Variants in OSBPL6 observed in about 807,000 individuals in gnomAD.
The protein encoded by OSBPL6 is oxysterol-binding protein-related protein 6.
OSBPL6 carries 49 observed loss-of-function variants against 125.8 expected under a neutral mutation model. The ratio of observed to expected loss-of-function variants is 0.39; its 90% CI spans 0.31 to 0.49. OSBPL6 has a LOEUF of 0.49. Among genes scored for constraint, OSBPL6 ranks in the 20% least tolerant of loss-of-function variants. The pLI is 0.88. For synonymous variants in OSBPL6, 394 were observed against 391.8 expected (o/e 1.01, Z -0.07); for missense variants, 986 against 1,135.4 (o/e 0.87, Z 1.89).
In OSBPL6 at chr2:178,312,389, C is replaced by T. The variant is rs1178067395; in HGVS notation, c.102+6103C>T. On this transcript the variant is annotated intron_variant, in intron 3 of 24. Transcript: ENST00000190611. Reference sequence around the variant, plus strand: ...GGCCAGGCTGGTCTTGAACTCCTGACCTCTGGTGATCGCCTGCCTCGGCCT... The same window carrying T: ...GGCCAGGCTGGTCTTGAACTCCTGATCTCTGGTGATCGCCTGCCTCGGCCT... Among the ~76,000 whole-genome samples the T allele has an allele frequency of 2.0e-5, 3 of 151,640 alleles. No individual in the cohort carries two copies. The East Asian group carries it at 5.8e-4, about 30-fold the overall frequency.
In OSBPL6 at chr2:178,249,815, C is replaced by A. The variant is rs943485601; in HGVS notation, c.-350-35112C>A. The stretch of plus-strand genomic sequence containing the variant: ...ATCTCCAGTTGCTATTATAAAATCC[C>A]TAACTAGAAGTGTTTTTTTTTTTTT... On this transcript the variant is annotated intron_variant, in intron 1 of 24. Coordinates refer to ENST00000190611, the MANE Select transcript of OSBPL6 (RefSeq NM_032523.4). 4.7e-5 allele frequency among the ~76,000 whole-genome samples: 7 copies of A among 148,862 alleles called. No individual in the cohort carries two copies. The East Asian group carries it at 1.4e-3, about 29-fold the overall frequency.
chr2:178,196,757 G>T (rs540478624), intron 1 of OSBPL6, among the ~76,000 whole-genome samples: 5 of 152,214 alleles, frequency 3.3e-5, no homozygotes, highest in African/African-American at 9.6e-5. Flanking sequence ...AGTTTTGAAA[G>T]GTAAGGCATA....
intron 3 of OSBPL6, among the ~76,000 whole-genome samples, chr2:178,314,322 A>G (rs917523358): frequency 6.6e-6 from 1 of 152,198 alleles, no homozygotes; most frequent in East Asian, 1.9e-4. Context: ...GAGGAATATA[A>G]CCTGAATTAT....
At chr2:178,224,014 A>G (rs1355467355) in intron 1 of OSBPL6, among the ~76,000 whole-genome samples, 1 of 152,204 alleles carries the variant, frequency 6.6e-6, no homozygotes, top group African/African-American at 2.4e-5. Context: ...CTTCTAATCA[A>G]ATGCCCCAAG....
chr2:178,369,618 G>T (rs1693190439), intron 13 of OSBPL6, among the ~76,000 whole-genome samples: 1 of 152,160 alleles, frequency 6.6e-6, no homozygotes, highest in South Asian at 2.1e-4. Context: ...CTAAGAAAAA[G>T]AATAAATTAT....
chr2:178,284,888 G>C, intron 1 of OSBPL6, 39 bp from the exon 2 acceptor site: 1 of 395,764 alleles, frequency 2.5e-6, no homozygotes, highest in Non-Finnish European at 4.5e-6. Flanking sequence ...CGAAAGTTTT[G>C]TAAAGATGTA....
At chr2:178,299,864 G>A (rs1686126850) in intron 2 of OSBPL6, among the ~76,000 whole-genome samples, 1 of 152,122 alleles carries the variant, frequency 6.6e-6, no homozygotes. Flanking sequence ...AAGGATGAGG[G>A]TTTGTCTTAT....
At chr2:178,367,156 C>T (rs1692913212) in intron 13 of OSBPL6, among the ~76,000 whole-genome samples, 1 of 151,906 alleles carries the variant, frequency 6.6e-6, no homozygotes, top group South Asian at 2.1e-4. Context: ...GTAAACTGTG[C>T]ACCCATTAAA....
chr2:178,273,207 T>C (rs928170958), intron 1 of OSBPL6, among the ~76,000 whole-genome samples: 2 of 152,180 alleles, frequency 1.3e-5, no homozygotes, highest in African/African-American at 4.8e-5. Flanking sequence ...GGTGGAAAGT[T>C]AGTTGAGGTA....
At chr2:178,297,879 A>G (rs774002437) in intron 2 of OSBPL6, among the ~76,000 whole-genome samples, 26 of 152,348 alleles carry the variant, frequency 1.7e-4, no homozygotes, top group Middle Eastern at 3.4e-3. Context: ...AAAATTTATC[A>G]TTTTAACTGC....
Position 178,349,307 on chromosome 2 carries a change from C to G in OSBPL6, c.1071C>G (p.Pro357=), listed in dbSNP as rs953944514. The part of the protein sequence containing the change: ...NLCADIEFQT[P]PSHLTDPLES... ...GTGCAGATATTGAATTTCAGACTCC[C>G]CCTAGCCACCTCACTGACCCTCTGG... The change falls in exon 12 of 25, where the codon CCC becomes CCG. Residue 357 remains proline, a synonymous_variant. Coordinates refer to ENST00000190611, the MANE Select transcript of OSBPL6 (RefSeq NM_032523.4). The G allele has an allele frequency of 2.5e-6, 4 of 1,614,118 alleles. No individual in the cohort carries two copies. Among genetic ancestry groups the G allele is most frequent in the Non-Finnish European group, 2.5e-6 (3 of 1,179,982 alleles).
chr2:178,206,500 G>A (rs1201155680), intron 1 of OSBPL6, among the ~76,000 whole-genome samples: 1 of 152,152 alleles, frequency 6.6e-6, no homozygotes, highest in African/African-American at 2.4e-5. Context: ...GATGAAGAAA[G>A]GGATAGAAAA....
At chr2:178,366,717 C>G (rs374556056) in intron 13 of OSBPL6, among the ~76,000 whole-genome samples, 1 of 152,274 alleles carries the variant, frequency 6.6e-6, no homozygotes, top group South Asian at 2.1e-4. Context: ...ATTTCACATA[C>G]CCAAATAATT....
rs150741827 is a variant in OSBPL6 at position 178,375,809 on chromosome 2, A to G, written c.1533+1782A>G. On this transcript the variant is annotated intron_variant, in intron 15 of 24. Transcript: ENST00000190611. ...CTATCATCTGATGACTTCCTAGCTT[A>G]CCTTTCTGAGAGATATTTCCAAGTC... Among the ~76,000 whole-genome samples the G allele has an allele frequency of 7.1e-3, 1,083 of 152,242 alleles. 11 individuals carry two copies. The highest frequency in any genetic ancestry group is 0.025 in the African/African-American group (1,021 of 41,544).
At chr2:178,349,145 C>T (rs964165) in intron 11 of OSBPL6, 79 bp from the exon 12 acceptor site, 344,071 of 1,399,944 alleles carry the variant, frequency 0.25, 44,760 homozygotes, top group Admixed American at 0.45. Context: ...TTTTGAAGAA[C>T]GGGAGAGGTC....
At chr2:178,226,065 G>A (rs2090549671) in intron 1 of OSBPL6, among the ~76,000 whole-genome samples, 1 of 152,192 alleles carries the variant, frequency 6.6e-6, no homozygotes, top group South Asian at 2.1e-4. Context: ...TACCTTTTCT[G>A]GGCCATAAGC....
chr2:178,298,103 A>G (rs927876540), intron 2 of OSBPL6, among the ~76,000 whole-genome samples: 1 of 152,226 alleles, frequency 6.6e-6, no homozygotes, highest in Admixed American at 6.5e-5. Flanking sequence ...CATATCTCAT[A>G]TAAGTGAAAT....
chr2:178,281,578 G>T (rs749107234), intron 1 of OSBPL6, among the ~76,000 whole-genome samples: 1 of 152,114 alleles, frequency 6.6e-6, no homozygotes, highest in South Asian at 2.1e-4. Flanking sequence ...TCCCATAGTT[G>T]TTGACGTGCA....
chr2:178,265,606 G>A (rs1338266727), intron 1 of OSBPL6, among the ~76,000 whole-genome samples: 3 of 151,932 alleles, frequency 2.0e-5, no homozygotes, highest in Non-Finnish European at 4.4e-5. Context: ...GTTCTTTTTT[G>A]TGGTGGCTTT....
Sources: allele counts gnomAD v4.1 joint callset (sites outside exome capture counted in the v4.1 genomes callset), GRCh38; gene constraint gnomAD v4.1.1; transcripts MANE v1.5; gene names NCBI Gene and HGNC (gene_info 2026-07-23, HGNC 2026-07-21).